Variants in ANKEF1 observed in about 807,000 individuals in gnomAD.
ANKEF1 encodes the protein ankyrin repeat and EF-hand domain-containing protein 1.
Under a neutral mutation model 65.1 loss-of-function variants are expected in ANKEF1, and 43 were observed. The observed-to-expected ratio is 0.66, with a 90% CI of 0.52 to 0.85. The LOEUF (loss-of-function observed/expected upper bound fraction) is 0.85. Among genes scored for constraint, ANKEF1 ranks in the 40% least tolerant of loss-of-function variants. ANKEF1 has a pLI of 0.00. For missense variants in ANKEF1, 934 were observed against 952.9 expected (o/e 0.98, Z 0.26); for synonymous variants, 316 against 341.5 (o/e 0.93, Z 0.82).
Position 10,043,242 on chromosome 20 carries a change from C to T in ANKEF1, c.467C>T (p.Ala156Val). 1 of 1,614,132 alleles carries T rather than the reference C, an allele frequency of 6.2e-7. No individual in the cohort carries two copies. The highest frequency in any genetic ancestry group is 1.1e-5 in the South Asian group (1 of 91,076). Residue 156 changes from alanine to valine, a missense_variant, in exon 4 of 11, where the codon GCT becomes GTT. Ala to Val is a moderately conservative substitution (Grantham distance 64). Transcript: ENST00000378392. ...GAAGGAAAGCCAATATTCCTTAGAG[C>T]TTGTGAAGATGCACATGATGTTAAA... ...TYEGKPIFLR[A>V]CEDAHDVKDV... is the part of the protein sequence containing the mutation.
chr20:10,056,282 C>A lies in ANKEF1; in HGVS notation c.*622C>A, dbSNP rs559926696. On this transcript the variant is annotated 3_prime_UTR_variant, in exon 11 of 11. Transcript: ENST00000378392. The stretch of plus-strand genomic sequence containing the variant: ...GAATACACTTTTAACAGCCCTAGAT[C>A]GATAGCCCTAGCCCTAGATAGATAG... 6 of 150,848 alleles carry A rather than the reference C, an allele frequency of 4.0e-5. No individual in the cohort carries two copies. Among genetic ancestry groups the A allele is most frequent in the South Asian group, 2.1e-4 (1 of 4,716 alleles). 9.3% of individuals were successfully genotyped at this position (150,848 alleles called of 1,614,324 possible). A position where few individuals can be genotyped will look rare whatever the true frequency, so the allele number is the denominator to read the frequency against.
intron 6 of ANKEF1, 60 bp from the exon 7 acceptor site, chr20:10,049,330 C>A: frequency 6.9e-7 from 1 of 1,441,628 alleles, no homozygotes. Flanking sequence ...GGATGAGTGT[C>A]ACTTATAGCC....
intron 6 of ANKEF1, 96 bp downstream of exon 6, chr20:10,045,793 AT>A: frequency 1.6e-6 from 2 of 1,265,132 alleles, no homozygotes; most frequent in Non-Finnish European, 1.1e-6. Flanking sequence ...TCAGTGGCTT[AT>A]TTTTTTCTAT....
intron 3 of ANKEF1, 89 bp from the exon 4 acceptor site, chr20:10,043,033 C>T: frequency 7.5e-7 from 1 of 1,332,998 alleles, no homozygotes; most frequent in South Asian, 1.4e-5. Flanking sequence ...CTTTAACTAG[C>T]TAAATATGGA....
chr20:10,039,993 AGT>A (rs1984082655), intron 3 of ANKEF1, among the ~76,000 whole-genome samples: 1 of 152,262 alleles, frequency 6.6e-6, no homozygotes, highest in Non-Finnish European at 1.5e-5. Flanking sequence ...ACAATGTAAA[AGT>A]GTAAATTTTT....
chr20:10,043,652 C>CTTTTTTTTT (rs374135080), intron 4 of ANKEF1, among the ~76,000 whole-genome samples: 1 of 81,370 alleles, frequency 1.2e-5, no homozygotes, highest in Non-Finnish European at 2.2e-5. Context: ...TTTTCTTTTC[C>CTTTTTTTTT]TTTTTTTTTT....
intron 7 of ANKEF1, among the ~76,000 whole-genome samples, chr20:10,051,126 T>C (rs1319514074): frequency 1.3e-5 from 2 of 152,178 alleles, no homozygotes; most frequent in Non-Finnish European, 2.9e-5. Context: ...AGTTAAAATA[T>C]GTAAAGCTCT....
At chr20:10,053,874 G>A (rs1296248433) in intron 9 of ANKEF1, among the ~76,000 whole-genome samples, 1 of 152,142 alleles carries the variant, frequency 6.6e-6, no homozygotes, top group African/African-American at 2.4e-5. Context: ...TGCAGTGGAA[G>A]GTTGAAGTTG....
At chr20:10,036,236 G>A (rs752169614) in intron 2 of ANKEF1, among the ~76,000 whole-genome samples, 7 of 152,172 alleles carry the variant, frequency 4.6e-5, no homozygotes, top group Non-Finnish European at 1.0e-4. Context: ...TTAATTCTCC[G>A]TTAGAGATGG....
At chr20:10,040,514 G>A (rs1157030967) in intron 3 of ANKEF1, 1 of 152,136 alleles carries the variant, frequency 6.6e-6, no homozygotes, top group African/African-American at 2.4e-5. Flanking sequence ...ATTCTTTCTT[G>A]TATGTTGTCC....
Position 10,057,028 on chromosome 20 carries a change from G to C in ANKEF1, c.*1368G>C, listed in dbSNP as rs1305883389. ...CTAGCTGAGGCATTATTCACACCAA[G>C]AAATGCAGTGGGTACCGAACAGGAG... On this transcript the variant is annotated 3_prime_UTR_variant, in exon 11 of 11. Coordinates refer to ENST00000378392, the MANE Select transcript of ANKEF1 (RefSeq NM_022096.6). The C allele has an allele frequency of 1.3e-5, 2 of 152,188 alleles. No homozygotes were observed. Among genetic ancestry groups the C allele is most frequent in the Admixed American group, 1.3e-4 (2 of 15,274 alleles). 9.4% of individuals were successfully genotyped at this position (152,188 alleles called of 1,614,324 possible). A position where few individuals can be genotyped will look rare whatever the true frequency, so the allele number is the denominator to read the frequency against.
chr20:10,049,796 A>T lies in ANKEF1; in HGVS notation c.1227A>T (p.Gly409=), dbSNP rs779278384. Residue 409 remains glycine, a synonymous_variant, in exon 7 of 11, where the codon GGA becomes GGT. Coordinates refer to ENST00000378392, the MANE Select transcript of ANKEF1 (RefSeq NM_022096.6). ...TRYLNKSFVL[G]SYGPKKKEKG... ...ATTTAAACAAGTCTTTTGTCTTAGG[A>T]TCGTATGGACCTAAGAAAAAGGAAA... 6.2e-7 allele frequency: 1 copy of T among 1,614,138 alleles called. No individual in the cohort carries two copies. The highest frequency in any genetic ancestry group is 1.7e-5 in the Admixed American group (1 of 60,024).
In ANKEF1 at chr20:10,038,321, G is replaced by A. The variant is rs754220456; in HGVS notation, c.20G>A (p.Arg7Lys). 1 of 1,566,772 alleles carries A rather than the reference G, an allele frequency of 6.4e-7. No individual in the cohort carries two copies. Among genetic ancestry groups the A allele is most frequent in the South Asian group, 1.2e-5 (1 of 83,012 alleles). The change falls in exon 3 of 11, where the codon AGA (arginine) becomes AAA (lysine). Residue 7 changes from arginine (R) to lysine (K), a missense_variant. Transcript: ENST00000378392. ...TCAAGCATGGCTTTAGCAGATAAGAGACTTGAGAACTTACAGATCTACAAA... is the reference window on the plus strand; with the variant it reads ...TCAAGCATGGCTTTAGCAGATAAGAAACTTGAGAACTTACAGATCTACAAA... MALADK[R>K]LENLQIYKVL...
rs193091026 is a variant in ANKEF1, at chr20:10,056,526, A to G, written c.*866A>G. 2.4e-4 allele frequency: 37 copies of G among 151,864 alleles called. No individual in the cohort carries two copies. Among genetic ancestry groups the G allele is most frequent in the African/African-American group, 6.5e-4 (27 of 41,464 alleles). The allele number at this position is 151,864 out of a possible 1,614,324, so 9.4% of individuals were successfully genotyped here. A position where few individuals can be genotyped will look rare whatever the true frequency, so the allele number is the denominator to read the frequency against. The stretch of plus-strand genomic sequence containing the variant: ...GATAGATAGATAGATAGATAGATAG[A>G]TAGATAGATAGAGATTTATTGCAAA... On this transcript the variant is annotated 3_prime_UTR_variant, in exon 11 of 11. Transcript: ENST00000378392.
rs1378726261 is a variant in ANKEF1 at position 10,050,000 on chromosome 20, C to T, written c.1431C>T (p.Pro477=). 2 of 1,614,132 alleles carry T rather than the reference C, an allele frequency of 1.2e-6. No individual in the cohort carries two copies. The highest frequency in any genetic ancestry group is 1.7e-6 in the Non-Finnish European group (2 of 1,179,996). The change falls in exon 7 of 11, where the codon CCC becomes CCT. Residue 477 remains proline (P), a synonymous_variant. Transcript: ENST00000378392. ...RFNRDHPPEH[P]IQDDSVWYID... is the part of the protein sequence containing the mutation. The stretch of plus-strand genomic sequence containing the variant: ...ATAGAGATCATCCCCCAGAACATCC[C>T]ATTCAGGATGACTCTGTTTGGTACA...
In ANKEF1 at chr20:10,058,264, T is replaced by C. The variant is rs1985272299; in HGVS notation, c.*2604T>C. 6.6e-6 allele frequency: 1 copy of C among 152,194 alleles called. No individual in the cohort carries two copies. The highest frequency in any genetic ancestry group is 2.1e-4 in the South Asian group (1 of 4,830). The allele number at this position is 152,194 out of a possible 1,614,324, so 9.4% of individuals were successfully genotyped here. On this transcript the variant is annotated 3_prime_UTR_variant, in exon 11 of 11. Transcript: ENST00000378392. ...GTTCAATTGTTGTCTTTTCTCAAGC[T>C]TACTTTATTGCACAAATACAGTATT...
Position 10,051,667 on chromosome 20 carries a change from A to G in ANKEF1, c.1648A>G (p.Asn550Asp), listed in dbSNP as rs531660930. 6.2e-7 allele frequency: 1 copy of G among 1,611,710 alleles called. No homozygotes were observed. The highest frequency in any genetic ancestry group is 8.5e-7 in the Non-Finnish European group (1 of 1,178,300). ...TTCATCTATCTTATTTTACAGAGCT[A>G]ACGTTAATGCAACAGATAACTTTCT... ...VVKFLLEKGANVNATDNFLWT... is the reference protein window; with the variant it reads ...VVKFLLEKGADVNATDNFLWT... The change falls in exon 8 of 11, where the codon AAC becomes GAC. Residue 550 changes from asparagine to aspartate, a missense_variant. Asn to Asp is a conservative substitution (Grantham distance 23). Transcript: ENST00000378392.
At chr20:10,044,657 C>T (rs1600515147) in intron 5 of ANKEF1, 114 bp downstream of exon 5, 3 of 956,646 alleles carry the variant, frequency 3.1e-6, no homozygotes, top group Non-Finnish European at 4.4e-6. Flanking sequence ...TCTGAGTTAC[C>T]TATGTTGTTT....
intron 3 of ANKEF1, among the ~76,000 whole-genome samples, chr20:10,039,961 A>G (rs919472594): frequency 6.6e-6 from 1 of 152,224 alleles, no homozygotes; most frequent in African/African-American, 2.4e-5. Flanking sequence ...AATCACAAAG[A>G]AAAAAGAAAT....
Sources: gnomAD v4.1 joint callset for allele counts (sites outside exome capture counted in the v4.1 genomes callset) on GRCh38, gnomAD v4.1.1 for gene constraint, MANE v1.5 for transcripts, NCBI Gene and HGNC (gene_info 2026-07-23, HGNC 2026-07-21) for gene names.